Variants in KCNC1 observed in about 807,000 individuals in gnomAD.
The protein encoded by KCNC1 is potassium voltage-gated channel subfamily C member 1.
KCNC1 carries 8 observed loss-of-function variants against 43.4 expected under a neutral mutation model. That is an observed-to-expected ratio of 0.18 (90% CI 0.11 to 0.33). The LOEUF (loss-of-function observed/expected upper bound fraction) is 0.33, where lower values mean the gene tolerates loss of function less well. Ranked by LOEUF, KCNC1 falls within the 10% of genes least tolerant of loss-of-function variation. KCNC1 has a pLI of 1.00. For missense variants in KCNC1, 420 were observed against 836.0 expected (o/e 0.50, Z 6.14); for synonymous variants, 361 against 360.5 (o/e 1.00, Z -0.01).
In KCNC1 at chr11:17,776,642, G is replaced by A; in HGVS notation, c.1505-2814G>A. 2.0e-6 allele frequency: 2 copies of A among 985,354 alleles called. No individual in the cohort carries two copies. The highest frequency in any genetic ancestry group is 1.2e-6 in the Non-Finnish European group (1 of 829,936). The allele number at this position is 985,354 out of a possible 1,614,324, so 61.0% of individuals were successfully genotyped here. On this transcript the variant is annotated intron_variant, in intron 2 of 3. Transcript: ENST00000265969. This position sits in a 1 kb window ranked among gnomAD's most constrained non-coding sequence, Gnocchi z 4.4. Reference sequence around the variant, plus strand: ...CACTGCAGGCCTGTGGGTCTAGTGGGGGCCTGGGGGCCCTGGGCTGGGGGA... The same window carrying A: ...CACTGCAGGCCTGTGGGTCTAGTGGAGGCCTGGGGGCCCTGGGCTGGGGGA...
chr11:17,771,934 C>G lies in KCNC1; in HGVS notation c.840C>G (p.Ile280Met). 6.2e-7 allele frequency: 1 copy of G among 1,614,242 alleles called. No individual in the cohort carries two copies. The highest frequency in any genetic ancestry group is 8.5e-7 in the Non-Finnish European group (1 of 1,180,038). The change falls in exon 2 of 4, where the codon ATC becomes ATG. Residue 280 changes from isoleucine (I) to methionine (M), a missense_variant. This residue lies in a region of KCNC1 where 58 missense variants were observed against 256.9 expected (regional missense o/e 0.23). Coordinates refer to ENST00000265969, the MANE Select transcript of KCNC1 (RefSeq NM_001112741.2). This position sits in a 1 kb window ranked among gnomAD's most constrained non-coding sequence, Gnocchi z 4.7. Reference sequence around the variant, plus strand: ...AGTTCATCAAGAACTCGCTCAACATCATTGACTTTGTGGCCATCCTGCCCT... The same window carrying G: ...AGTTCATCAAGAACTCGCTCAACATGATTGACTTTGTGGCCATCCTGCCCT... ...KVEFIKNSLN[I>M]IDFVAILPFY...
intron 1 of KCNC1, among the ~76,000 whole-genome samples, chr11:17,741,102 G>T (rs1283259506): frequency 6.6e-6 from 1 of 151,928 alleles, no homozygotes; most frequent in Non-Finnish European, 1.5e-5. Flanking sequence ...AGTGGAGAAG[G>T]GGCTGGGTAT....
In KCNC1 at chr11:17,735,881, T is replaced by TC. The variant is rs1353043214; in HGVS notation, c.-116dup. On this transcript the variant is annotated 5_prime_UTR_variant, in exon 1 of 4. Transcript: ENST00000265969. This position sits in a 1 kb window ranked among gnomAD's most constrained non-coding sequence, Gnocchi z 6.7. Reference sequence around the variant, plus strand: ...GGTGGCCAGAGCCGCAGGCCTCTGTTCCCCCCGACGGCTGGGGGGAGGGGG... The same window carrying TC: ...GGTGGCCAGAGCCGCAGGCCTCTGTTCCCCCCCGACGGCTGGGGGGAGGGGG... 6.8e-6 allele frequency: 8 copies of TC among 1,170,458 alleles called. No individual in the cohort carries two copies. Among genetic ancestry groups the TC allele is most frequent in the Non-Finnish European group, 9.0e-6 (8 of 887,036 alleles). The allele number at this position is 1,170,458 out of a possible 1,614,324, so 72.5% of individuals were successfully genotyped here.
intron 1 of KCNC1, among the ~76,000 whole-genome samples, chr11:17,745,798 G>A (rs971582597): frequency 6.6e-6 from 1 of 152,112 alleles, no homozygotes; most frequent in Non-Finnish European, 1.5e-5. Context: ...ACCCCCTCCA[G>A]GTCTATACTC....
intron 1 of KCNC1, among the ~76,000 whole-genome samples, chr11:17,759,564 G>A (rs1849055154): frequency 6.6e-6 from 1 of 152,162 alleles, no homozygotes; most frequent in Admixed American, 6.5e-5. Context: ...AAAGTGAGAG[G>A]CATGAAACTC....
chr11:17,772,797 C>T, intron 2 of KCNC1, 199 bp downstream of exon 2: 1 of 1,455,708 alleles, frequency 6.9e-7, no homozygotes, highest in Middle Eastern at 2.6e-4. Flanking sequence ...CTAGAGGAAC[C>T]TCACTGGTGC....
At position 17,781,543 on chromosome 11, in the gene KCNC1, G is replaced by C; in HGVS notation, c.1694-127G>C. 1.4e-6 allele frequency: 1 copy of C among 691,956 alleles called. No homozygotes were observed. Among genetic ancestry groups the C allele is most frequent in the Non-Finnish European group, 2.5e-6 (1 of 395,824 alleles). The allele number at this position is 691,956 out of a possible 1,614,324, so 42.9% of individuals were successfully genotyped here. ...GCATGGGCAAACCAAGCCAGCTGGA[G>C]AAGAATCTGCCTGCCTCTGCATGCG... On this transcript the variant is annotated intron_variant, in intron 3 of 3. Transcript: ENST00000265969. This position sits in a 1 kb window ranked among gnomAD's most constrained non-coding sequence, Gnocchi z 5.1.
Position 17,776,027 on chromosome 11 carries a change from C to CT in KCNC1, c.1505-3428dup. 2.0e-6 allele frequency: 2 copies of CT among 985,336 alleles called. No homozygotes were observed. Among genetic ancestry groups the CT allele is most frequent in the South Asian group, 9.4e-5 (2 of 21,278 alleles). 61.0% of individuals were successfully genotyped at this position (985,336 alleles called of 1,614,324 possible). On this transcript the variant is annotated intron_variant, in intron 2 of 3. Coordinates refer to ENST00000265969, the MANE Select transcript of KCNC1 (RefSeq NM_001112741.2). This position sits in a 1 kb window ranked among gnomAD's most constrained non-coding sequence, Gnocchi z 4.4. Reference sequence around the variant, plus strand: ...AGCGCTGACTAGGCGGCGGGTGGGGCTAAGAGAGTTTCTGCAGGGACCCAG... The same window carrying CT: ...AGCGCTGACTAGGCGGCGGGTGGGGCTTAAGAGAGTTTCTGCAGGGACCCAG...
Position 17,781,923 on chromosome 11 carries a change from C to T in KCNC1, c.*189C>T. 4.5e-6 allele frequency: 2 copies of T among 448,372 alleles called. No homozygotes were observed. Among genetic ancestry groups the T allele is most frequent in the South Asian group, 5.7e-5 (1 of 17,462 alleles). 27.8% of individuals were successfully genotyped at this position (448,372 alleles called of 1,614,324 possible). On this transcript the variant is annotated 3_prime_UTR_variant, in exon 4 of 4. Transcript: ENST00000265969. This position sits in a 1 kb window ranked among gnomAD's most constrained non-coding sequence, Gnocchi z 5.1. ...AATGGTAACTGACCGTAGAGGATTTCTTTTCCTTCTTTTCATTTTTTAAAA... is the reference window on the plus strand; with the variant it reads ...AATGGTAACTGACCGTAGAGGATTTTTTTTCCTTCTTTTCATTTTTTAAAA...
intron 1 of KCNC1, among the ~76,000 whole-genome samples, chr11:17,754,405 C>T (rs1158653296): frequency 1.3e-5 from 2 of 152,198 alleles, no homozygotes; most frequent in Non-Finnish European, 2.9e-5. Flanking sequence ...CTGAAATCAA[C>T]GATTGTGTAC....
At chr11:17,758,594 T>C (rs1849045152) in intron 1 of KCNC1, among the ~76,000 whole-genome samples, 1 of 152,236 alleles carries the variant, frequency 6.6e-6, no homozygotes, top group Non-Finnish European at 1.5e-5. Flanking sequence ...GACTCCTTGG[T>C]CCATGGGCTT....
chr11:17,738,832 C>T (rs887869827), intron 1 of KCNC1, among the ~76,000 whole-genome samples: 2 of 152,188 alleles, frequency 1.3e-5, no homozygotes, highest in African/African-American at 4.8e-5. Flanking sequence ...GGGATAGGAG[C>T]GGGTGCTAGT....
At position 17,776,766 on chromosome 11, in the gene KCNC1, C is replaced by T. The variant is rs2133808621; in HGVS notation, c.1505-2690C>T. On this transcript the variant is annotated intron_variant, in intron 2 of 3. Transcript: ENST00000265969. The surrounding 1 kb of genome is among the most constrained non-coding windows in gnomAD (Gnocchi z 4.4). ...CAGGGGCGGGGGCTCACACCTTTGA[C>T]CCTATTCATGGGTTCCCCAGATTTA... 1 of 984,832 alleles carries T rather than the reference C, an allele frequency of 1.0e-6. No homozygotes were observed. Among genetic ancestry groups the T allele is most frequent in the East Asian group, 1.2e-4 (1 of 8,684 alleles). The allele number at this position is 984,832 out of a possible 1,614,324, so 61.0% of individuals were successfully genotyped here. A position where few individuals can be genotyped will look rare whatever the true frequency, so the allele number is the denominator to read the frequency against.
Position 17,781,874 on chromosome 11 carries a change from C to T in KCNC1, c.*140C>T, listed in dbSNP as rs374373969. 6.1e-4 allele frequency: 327 copies of T among 537,514 alleles called. No individual in the cohort carries two copies. Among genetic ancestry groups the T allele is most frequent in the South Asian group, 1.5e-3 (46 of 31,672 alleles). 33.3% of individuals were successfully genotyped at this position (537,514 alleles called of 1,614,324 possible). ...GAGTGGCCCAGGCATTGTACTAGGA[C>T]GGACGTAGCTTTTTCTACGGCCAAA... On this transcript the variant is annotated 3_prime_UTR_variant, in exon 4 of 4. Coordinates refer to ENST00000265969, the MANE Select transcript of KCNC1 (RefSeq NM_001112741.2). The surrounding 1 kb of genome is among the most constrained non-coding windows in gnomAD (Gnocchi z 5.1).
At position 17,739,046 on chromosome 11, in the gene KCNC1, G is replaced by C. The variant is rs187284270; in HGVS notation, c.570+2474G>C. On this transcript the variant is annotated intron_variant, in intron 1 of 3. Coordinates refer to ENST00000265969, the MANE Select transcript of KCNC1 (RefSeq NM_001112741.2). This position sits in a 1 kb window ranked among gnomAD's most constrained non-coding sequence, Gnocchi z 4.2. ...TCCTGCCGCCCGCCCGGCTGGCCTA[G>C]CTGCACTGCGCTGCCTCTCTGCGGC... 3.7e-4 allele frequency among the ~76,000 whole-genome samples: 56 copies of C among 152,298 alleles called. No homozygotes were observed. Among genetic ancestry groups the C allele is most frequent in the African/African-American group, 1.2e-3 (51 of 41,568 alleles).
chr11:17,760,427 G>A (rs183028435), intron 1 of KCNC1, among the ~76,000 whole-genome samples: 14 of 152,146 alleles, frequency 9.2e-5, no homozygotes, highest in East Asian at 1.9e-4. Context: ...GGAGACCCCC[G>A]TTAGCCTCCG....
intron 1 of KCNC1, among the ~76,000 whole-genome samples, chr11:17,746,929 TG>T (rs1452743215): frequency 2.0e-5 from 3 of 152,196 alleles, no homozygotes; most frequent in Non-Finnish European, 4.4e-5. Context: ...ATAGGGAAGT[TG>T]GGAGGATCCA....
intron 1 of KCNC1, among the ~76,000 whole-genome samples, chr11:17,757,907 G>T (rs1254552802): frequency 6.6e-6 from 1 of 152,188 alleles, no homozygotes; most frequent in African/African-American, 2.4e-5. Flanking sequence ...TGATCAGCGT[G>T]GTGATTGCTG....
intron 1 of KCNC1, among the ~76,000 whole-genome samples, chr11:17,767,743 C>T (rs576597752): frequency 1.8e-4 from 28 of 152,318 alleles, no homozygotes; most frequent in South Asian, 1.2e-3. Flanking sequence ...GGAAGGCAGG[C>T]GCCCAGGGAG....
Sources: allele counts gnomAD v4.1 joint callset (sites outside exome capture counted in the v4.1 genomes callset), GRCh38; gene constraint gnomAD v4.1.1; regional missense constraint gnomAD v4.1.1; non-coding constraint Gnocchi (gnomAD v3.1); transcripts MANE v1.5; gene names NCBI Gene and HGNC (gene_info 2026-07-23, HGNC 2026-07-21).